The following SCTR variants were observed in gnomAD, a reference collection of about 807,000 sequenced individuals.
SCTR encodes secretin receptor, also known as pancreatic secretin receptor.
In SCTR, 56 loss-of-function variants were observed where a neutral mutation model predicts 60.8. The observed-to-expected ratio is 0.92, with a 90% CI of 0.74 to 1.15. The LOEUF is 1.15. Among genes scored for constraint, SCTR ranks in the 50% most tolerant of loss-of-function variants. The pLI is 0.00. For synonymous variants in SCTR, 202 were observed against 217.0 expected, an observed-to-expected ratio of 0.93 and a Z score of 0.61; for missense variants, 562 against 550.4, an observed-to-expected ratio of 1.02 and a Z score of -0.21.
chr2:119,478,103 C>T (rs935173655), intron 3 of SCTR, among the ~76,000 whole-genome samples: 5 of 152,206 alleles, frequency 3.3e-5, no homozygotes, highest in Non-Finnish European at 7.3e-5. Flanking sequence ...CAGGCTTCAT[C>T]TGGCAGCTTT....
At chr2:119,500,177 A>G (rs1313347047) in intron 1 of SCTR, among the ~76,000 whole-genome samples, 1 of 66,754 alleles carries the variant, frequency 1.5e-5, no homozygotes, top group Non-Finnish European at 3.1e-5. Context: ...GGACTAAACT[A>G]AAAAGTGTAG....
chr2:119,519,416 T>G (rs1417747651), intron 1 of SCTR, among the ~76,000 whole-genome samples: 1 of 152,204 alleles, frequency 6.6e-6, no homozygotes, highest in Admixed American at 6.5e-5. Flanking sequence ...TTAGTTTAAA[T>G]GAAAATTAAT....
chr2:119,523,671 G>A (rs1306436237), intron 1 of SCTR, among the ~76,000 whole-genome samples: 4 of 151,994 alleles, frequency 2.6e-5, no homozygotes, highest in African/African-American at 4.8e-5. Context: ...ATACTGATGT[G>A]GGTTCCAATC....
At chr2:119,477,903 T>C (rs1164228173) in intron 3 of SCTR, among the ~76,000 whole-genome samples, 2 of 152,176 alleles carry the variant, frequency 1.3e-5, no homozygotes, top group East Asian at 3.9e-4. Flanking sequence ...TGTAGGGTGT[T>C]GAGTGAGGCT....
intron 9 of SCTR, among the ~76,000 whole-genome samples, chr2:119,450,060 A>G (rs145035232): frequency 0.028 from 3,759 of 136,236 alleles, 189 homozygotes; most frequent in African/African-American, 0.094. Context: ...AAAAGAAAGA[A>G]AAAGAAAGAA....
intron 1 of SCTR, among the ~76,000 whole-genome samples, chr2:119,517,405 C>A (rs1257410086): frequency 1.3e-5 from 2 of 152,196 alleles, no homozygotes; most frequent in Non-Finnish European, 2.9e-5. Flanking sequence ...AGCCATCCAC[C>A]TGCCTCAGCC....
intron 1 of SCTR, among the ~76,000 whole-genome samples, chr2:119,505,597 A>G (rs1246092957): frequency 2.4e-4 from 36 of 149,316 alleles, no homozygotes; most frequent in Admixed American, 2.3e-3. Context: ...TCAGCAAACT[A>G]TCGCAAGGAC....
At chr2:119,501,223 A>G (rs985182106) in intron 1 of SCTR, among the ~76,000 whole-genome samples, 1 of 152,154 alleles carries the variant, frequency 6.6e-6, no homozygotes, top group Admixed American at 6.5e-5. Flanking sequence ...ATCCTGGCTA[A>G]CACGGTGAAA....
At position 119,451,990 on chromosome 2, in the gene SCTR, G is replaced by C. The variant is rs776974365; in HGVS notation, c.921+20C>G. On this transcript the variant is annotated intron_variant, in intron 9 of 12. Transcript: ENST00000019103. ...CGTCTCTCCCACTGATCCCCAGCTA[G>C]GGAGAGGAGGGCCACTCACCAGGAT... The C allele has an allele frequency of 7.3e-6, 11 of 1,513,542 alleles. No individual in the cohort carries two copies. The Admixed American group carries it at 1.7e-4, about 23-fold the overall frequency. The allele number at this position is 1,513,542 out of a possible 1,614,324, so 93.8% of individuals were successfully genotyped here.
chr2:119,502,731 C>T (rs1161391828), intron 1 of SCTR, among the ~76,000 whole-genome samples: 1 of 151,392 alleles, frequency 6.6e-6, no homozygotes, highest in African/African-American at 2.4e-5. Context: ...GTGGCTCACA[C>T]TTGTAATCCC....
intron 1 of SCTR, among the ~76,000 whole-genome samples, chr2:119,503,097 T>C (rs1678607166): frequency 7.2e-6 from 1 of 139,536 alleles, no homozygotes. Context: ...AAGCAGAGCT[T>C]GCAATGAGCC....
In SCTR at chr2:119,524,148, T is replaced by C. The variant is rs1365701922; in HGVS notation, c.72+7A>G. ...GTCCCCAGCCTGCAGAAGGGCGCAG[T>C]ACTCACCGAGTGCGCGGCGCAGGCG... On this transcript the variant is annotated splice_region_variant and intron_variant, in intron 1 of 12. Coordinates refer to ENST00000019103, the MANE Select transcript of SCTR (RefSeq NM_002980.3). 6.5e-7 allele frequency: 1 copy of C among 1,540,176 alleles called. No individual in the cohort carries two copies. The highest frequency in any genetic ancestry group is 8.8e-7 in the Non-Finnish European group (1 of 1,141,438).
intron 4 of SCTR, among the ~76,000 whole-genome samples, chr2:119,472,196 C>T (rs1677050856): frequency 6.6e-6 from 1 of 152,162 alleles, no homozygotes; most frequent in South Asian, 2.1e-4. Flanking sequence ...ACACGCTGAT[C>T]ATTTTAATGT....
rs113798011 is a variant in SCTR, at chr2:119,497,104, A to C, written c.73-2556T>G. On this transcript the variant is annotated intron_variant, in intron 1 of 12. Transcript: ENST00000019103. Reference sequence around the variant, plus strand: ...TCCTCCTCTTCATGTCTTCACCAGAAGGTGTCAGAGAAGTCCTAATGGAGA... The same window carrying C: ...TCCTCCTCTTCATGTCTTCACCAGACGGTGTCAGAGAAGTCCTAATGGAGA... Among the ~76,000 whole-genome samples, 1,062 of 152,290 alleles carry C rather than the reference A, an allele frequency of 7.0e-3. 10 individuals carry two copies. The highest frequency in any genetic ancestry group is 0.024 in the African/African-American group (1,014 of 41,560).
At chr2:119,518,264 C>T (rs1171724172) in intron 1 of SCTR, among the ~76,000 whole-genome samples, 1 of 151,032 alleles carries the variant, frequency 6.6e-6, no homozygotes, top group Non-Finnish European at 1.5e-5. Flanking sequence ...ACAATTTAGA[C>T]ACATCTGTAA....
intron 1 of SCTR, among the ~76,000 whole-genome samples, chr2:119,500,983 A>T (rs961905804): frequency 6.6e-6 from 1 of 152,222 alleles, no homozygotes; most frequent in African/African-American, 2.4e-5. Flanking sequence ...TGATTATCAC[A>T]TGAACCCCCA....
chr2:119,471,530 G>T (rs976009505), intron 4 of SCTR, among the ~76,000 whole-genome samples: 1 of 152,196 alleles, frequency 6.6e-6, no homozygotes, highest in Non-Finnish European at 1.5e-5. Flanking sequence ...TCCACATAGA[G>T]CAAGGCTGAT....
chr2:119,514,183 T>A (rs1679041445), intron 1 of SCTR, among the ~76,000 whole-genome samples: 1 of 152,202 alleles, frequency 6.6e-6, no homozygotes, highest in Non-Finnish European at 1.5e-5. Flanking sequence ...AGGTGTCTGC[T>A]TAGCCCCTGA....
At chr2:119,474,931 C>A (rs1360609487) in intron 3 of SCTR, among the ~76,000 whole-genome samples, 1 of 152,234 alleles carries the variant, frequency 6.6e-6, no homozygotes, top group East Asian at 1.9e-4. Flanking sequence ...GCAGCCAGAT[C>A]TGAGTCTGAA....
Sources: allele counts gnomAD v4.1 joint callset (sites outside exome capture counted in the v4.1 genomes callset), GRCh38; gene constraint gnomAD v4.1.1; transcripts MANE v1.5; gene names NCBI Gene and HGNC (gene_info 2026-07-23, HGNC 2026-07-21).